R3HDM2: variants seen among roughly 807,000 people sequenced by gnomAD.
R3HDM2 encodes R3H domain-containing protein 2.
A neutral mutation model predicts 124.5 loss-of-function variants in R3HDM2; 38 were observed. The ratio of observed to expected loss-of-function variants is 0.31; its 90% CI spans 0.24 to 0.40. The LOEUF is 0.40. R3HDM2 is among the 10% of genes least tolerant of loss of function. R3HDM2 has a pLI of 1.00. For synonymous variants in R3HDM2, 391 were observed against 448.0 expected (o/e 0.87, Z 1.61); for missense variants, 869 against 1,236.9 (o/e 0.70, Z 4.46).
chr12:57,269,281 T>C (rs763008475), intron 16 of R3HDM2, 42 bp downstream of exon 16: 1 of 1,609,174 alleles, frequency 6.2e-7, no homozygotes, highest in Non-Finnish European at 8.5e-7. Flanking sequence ...TGGTGTGCCC[T>C]TCCCTTATTC....
chr12:57,373,500 C>CA (rs925125868), intron 2 of R3HDM2, among the ~76,000 whole-genome samples: 15 of 147,096 alleles, frequency 1.0e-4, no homozygotes, highest in Admixed American at 2.7e-4. Flanking sequence ...CTCCGTCTCA[C>CA]AAAAAAAAAT....
chr12:57,275,937 G>A (rs2044586528), intron 14 of R3HDM2, among the ~76,000 whole-genome samples: 1 of 152,288 alleles, frequency 6.6e-6, no homozygotes, highest in South Asian at 2.1e-4. Context: ...TAAAAGTAGG[G>A]CCGGGCGCAG....
At chr12:57,266,674 C>T in intron 19 of R3HDM2, 57 bp downstream of exon 19, 4 of 1,390,526 alleles carry the variant, frequency 2.9e-6, no homozygotes, top group Non-Finnish European at 3.0e-6. Flanking sequence ...AGCACAGGCC[C>T]TTCAGCAATG....
At chr12:57,365,312 C>A (rs1430082539) in intron 2 of R3HDM2, among the ~76,000 whole-genome samples, 1 of 151,662 alleles carries the variant, frequency 6.6e-6, no homozygotes, top group Admixed American at 6.6e-5. Context: ...TGGATTAGGG[C>A]CCTCCTCCTA....
At chr12:57,308,180 A>T (rs2053144856) in intron 3 of R3HDM2, among the ~76,000 whole-genome samples, 1 of 150,402 alleles carries the variant, frequency 6.6e-6, no homozygotes, top group African/African-American at 2.4e-5. Flanking sequence ...TCAGCCTCCC[A>T]AGTAGCTGGG....
intron 2 of R3HDM2, among the ~76,000 whole-genome samples, chr12:57,361,330 G>A (rs147946379): frequency 0.011 from 1,627 of 141,682 alleles, 31 homozygotes; most frequent in African/African-American, 0.04. Context: ...AGTCGAGATC[G>A]CGCCATTGCA....
chr12:57,349,379 CAAA>C (rs1161831845), intron 2 of R3HDM2, among the ~76,000 whole-genome samples: 39 of 57,736 alleles, frequency 6.8e-4, no homozygotes, highest in African/African-American at 3.3e-3. Context: ...ACTCCGTCTC[CAAA>C]AAAAAAAAAA....
rs1270573119 is a variant in R3HDM2 at position 57,297,314 on chromosome 12, T to G, written c.560+14A>C. On this transcript the variant is annotated intron_variant, in intron 8 of 23. Transcript: ENST00000402412. ...CTCCCACCTCTAATTATATATTTCA[T>G]GCAAGTAACTTACTTGTTGTCATTA... 1 of 1,402,654 alleles carries G rather than the reference T, an allele frequency of 7.1e-7. No homozygotes were observed. 86.9% of individuals were successfully genotyped at this position (1,402,654 alleles called of 1,614,324 possible). A position where few individuals can be genotyped will look rare whatever the true frequency, so the allele number is the denominator to read the frequency against.
At chr12:57,375,712 C>T (rs1055461947) in intron 2 of R3HDM2, among the ~76,000 whole-genome samples, 8 of 146,358 alleles carry the variant, frequency 5.5e-5, no homozygotes, top group African/African-American at 1.3e-4. Context: ...CTTGCTCTGT[C>T]GCCAGGCTGG....
intron 1 of R3HDM2, among the ~76,000 whole-genome samples, chr12:57,417,275 C>T (rs2069722143): frequency 6.6e-6 from 1 of 150,858 alleles, no homozygotes. Flanking sequence ...ATCCCAGCTA[C>T]TTGGGAGGCT....
intron 2 of R3HDM2, among the ~76,000 whole-genome samples, chr12:57,372,690 G>A (rs922642591): frequency 3.9e-5 from 6 of 152,126 alleles, no homozygotes; most frequent in African/African-American, 1.2e-4. Flanking sequence ...ATTAAAACTC[G>A]ATTTTCCACA....
intron 1 of R3HDM2, among the ~76,000 whole-genome samples, chr12:57,397,912 A>G (rs1201686157): frequency 6.6e-6 from 1 of 152,356 alleles, no homozygotes; most frequent in African/African-American, 2.4e-5. Context: ...GGCCGGGCAC[A>G]GTGGCTCACG....
rs1161831845 is a variant in R3HDM2, at chr12:57,349,379, CAAAAAAAA to C, written c.-35-38924_-35-38917del. 2.5e-3 allele frequency among the ~76,000 whole-genome samples: 145 copies of C among 57,746 alleles called. 1 individual carries two copies. The highest frequency in any genetic ancestry group is 0.014 in the Middle Eastern group (2 of 144). 37.9% of individuals were successfully genotyped at this position (57,746 alleles called of 152,430 possible). A position where few individuals can be genotyped will look rare whatever the true frequency, so the allele number is the denominator to read the frequency against. ...TGCCGACAGAGCGAGACTCCGTCTC[CAAAAAAAA>C]AAAAAAAAAAAAAAAAAAAAGAAAA... On this transcript the variant is annotated intron_variant, in intron 2 of 23. Coordinates refer to ENST00000402412, the MANE Select transcript of R3HDM2 (RefSeq NM_001394031.1).
chr12:57,270,247 C>T (rs779406209), intron 14 of R3HDM2, among the ~76,000 whole-genome samples: 39 of 152,006 alleles, frequency 2.6e-4, no homozygotes, highest in Admixed American at 9.8e-4. Flanking sequence ...TTTTGAGACA[C>T]AGTCTCATTT....
intron 1 of R3HDM2, among the ~76,000 whole-genome samples, chr12:57,406,362 T>A (rs2068527728): frequency 6.6e-6 from 1 of 151,560 alleles, no homozygotes; most frequent in Admixed American, 6.6e-5. Context: ...TTAAACACAT[T>A]AAATATATTT....
intron 18 of R3HDM2, among the ~76,000 whole-genome samples, chr12:57,267,755 T>C (rs763593005): frequency 6.6e-6 from 1 of 152,206 alleles, no homozygotes; most frequent in African/African-American, 2.4e-5. Context: ...TAACTAGCTA[T>C]GTTAATTTAG....
At chr12:57,290,114 C>T (rs1381442714) in intron 11 of R3HDM2, among the ~76,000 whole-genome samples, 2 of 152,200 alleles carry the variant, frequency 1.3e-5, no homozygotes, top group Non-Finnish European at 2.9e-5. Flanking sequence ...GAAGAGCTAA[C>T]TTTGCCTTTG....
chr12:57,317,668 T>A (rs1449186715), intron 2 of R3HDM2, among the ~76,000 whole-genome samples: 8 of 108,096 alleles, frequency 7.4e-5, no homozygotes, highest in Non-Finnish European at 1.2e-4. Flanking sequence ...AGAAGATAGT[T>A]AAAAAAAAAA....
chr12:57,269,194 G>T, intron 16 of R3HDM2, 112 bp from the exon 17 acceptor site: 1 of 1,548,660 alleles, frequency 6.5e-7, no homozygotes, highest in South Asian at 1.2e-5. Context: ...GAGAGCATAG[G>T]TCTGTTCTTA....
Sources: gnomAD v4.1 joint callset for allele counts (sites outside exome capture counted in the v4.1 genomes callset) on GRCh38, gnomAD v4.1.1 for gene constraint, MANE v1.5 for transcripts, NCBI Gene and HGNC (gene_info 2026-07-23, HGNC 2026-07-21) for gene names.